Variants in ANKHD1 observed in about 807,000 individuals in gnomAD.
ANKHD1 encodes ankyrin repeat and KH domain-containing protein 1.
A neutral mutation model predicts 230.5 loss-of-function variants in ANKHD1; 31 were observed. The ratio of observed to expected loss-of-function variants is 0.13; its 90% confidence interval spans 0.10 to 0.18. The LOEUF (loss-of-function observed/expected upper bound fraction) is 0.18. Among genes scored for constraint, ANKHD1 ranks in the 10% least tolerant of loss-of-function variants. ANKHD1 has a pLI of 1.00. For missense variants in ANKHD1, 2,256 were observed against 3,071.3 expected, an observed-to-expected ratio of 0.73 and a Z score of 6.27; for synonymous variants, 1,074 against 1,117.6, an observed-to-expected ratio of 0.96 and a Z score of 0.78.
At chr5:140,402,314 G>T (rs1770010480) in intron 1 of ANKHD1, 41 bp downstream of exon 1, 1 of 1,427,486 alleles carries the variant, frequency 7.0e-7, no homozygotes, top group Non-Finnish European at 9.1e-7. Flanking sequence ...ATTGTGAGGC[G>T]TGAATTCTCT....
intron 5 of ANKHD1, among the ~76,000 whole-genome samples, chr5:140,441,421 A>G (rs1773836537): frequency 6.6e-6 from 1 of 152,216 alleles, no homozygotes; most frequent in South Asian, 2.1e-4. Context: ...ATTTGCCACA[A>G]CATGGATGGA....
chr5:140,464,859 A>C, intron 10 of ANKHD1, 83 bp downstream of exon 10: 1 of 1,357,546 alleles, frequency 7.4e-7, no homozygotes, highest in Non-Finnish European at 9.9e-7. Flanking sequence ...CTAAAGATCA[A>C]TGGTTTGCGT....
chr5:140,459,562 T>C (rs1775552095), intron 9 of ANKHD1, among the ~76,000 whole-genome samples: 1 of 152,152 alleles, frequency 6.6e-6, no homozygotes, highest in Non-Finnish European at 1.5e-5. Context: ...GAATAAGTTT[T>C]AATGATATAT....
In ANKHD1 at chr5:140,485,309, C is replaced by A. The variant is rs2127018006; in HGVS notation, c.1998+61C>A. The A allele has an allele frequency of 6.4e-7, 1 of 1,552,202 alleles. No homozygotes were observed. Among genetic ancestry groups the A allele is most frequent in the Non-Finnish European group, 8.7e-7 (1 of 1,144,894 alleles). ...CGGTGGCTCATGTCTATGATCCCAGCACTTTAGAAAGCTGAGGCGGGTGGA... is the reference window on the plus strand; with the variant it reads ...CGGTGGCTCATGTCTATGATCCCAGAACTTTAGAAAGCTGAGGCGGGTGGA... On this transcript the variant is annotated intron_variant, in intron 12 of 33. Coordinates refer to ENST00000360839, the MANE Select transcript of ANKHD1 (RefSeq NM_017747.3). The surrounding 1 kb of genome is among the most constrained non-coding windows in gnomAD (Gnocchi z 4.8).
chr5:140,535,431 G>A lies in ANKHD1; in HGVS notation c.6920G>A (p.Gly2307Asp). 1 of 1,613,480 alleles carries A rather than the reference G, an allele frequency of 6.2e-7. No individual in the cohort carries two copies. The highest frequency in any genetic ancestry group is 1.1e-5 in the South Asian group (1 of 91,016). ...SSSAPLASFS[G>D]IPGTRVFLQG... ...TCTGCTCCTCTGGCAAGTTTTTCCG[G>A]CATACCAGGAACAAGGGTTTTCCTG... Residue 2307 changes from glycine (G) to aspartate (D), a missense_variant, in exon 30 of 34, where the codon GGC becomes GAC. Physicochemically the swap from Gly to Asp is moderately conservative, Grantham distance 94 (BLOSUM62 -1). Around this residue, in one of 13 missense-constraint regions of ANKHD1, gnomAD observed 778 missense variants for 966.5 expected, o/e 0.80. Transcript: ENST00000360839.
chr5:140,538,619 C>G (rs532862786), intron 32 of ANKHD1, among the ~76,000 whole-genome samples: 15 of 152,292 alleles, frequency 9.8e-5, no homozygotes, highest in African/African-American at 3.1e-4. Flanking sequence ...CTTCTTAGCT[C>G]AAGCTTATTC....
At chr5:140,432,923 A>T (rs561535318) in intron 1 of ANKHD1, among the ~76,000 whole-genome samples, 1 of 152,132 alleles carries the variant, frequency 6.6e-6, no homozygotes, top group East Asian at 1.9e-4. Context: ...GGCTGGTCTT[A>T]AACTCCTGGC....
chr5:140,476,907 G>A (rs1435870839), intron 10 of ANKHD1, among the ~76,000 whole-genome samples: 1 of 152,094 alleles, frequency 6.6e-6, no homozygotes, highest in African/African-American at 2.4e-5. Context: ...TAAAAGCCAC[G>A]CTAGAGTCTT....
intron 7 of ANKHD1, among the ~76,000 whole-genome samples, chr5:140,455,526 G>C (rs1358768949): frequency 6.6e-6 from 1 of 151,900 alleles, no homozygotes; most frequent in Non-Finnish European, 1.5e-5. Context: ...ATGATCAAGT[G>C]GGCTTCATCC....
intron 10 of ANKHD1, among the ~76,000 whole-genome samples, chr5:140,465,336 A>G (rs535565937): frequency 7.2e-5 from 11 of 152,262 alleles, no homozygotes; most frequent in Admixed American, 2.6e-4. Context: ...TACAAATTCT[A>G]TTCTTTTTGT....
chr5:140,489,755 A>G (rs1751686052), intron 14 of ANKHD1, among the ~76,000 whole-genome samples: 1 of 152,170 alleles, frequency 6.6e-6, no homozygotes, highest in African/African-American at 2.4e-5. Context: ...TTTCTAAGGA[A>G]TCATTTTACT....
intron 1 of ANKHD1, among the ~76,000 whole-genome samples, chr5:140,417,557 T>C (rs1561686956): frequency 1.3e-5 from 2 of 152,040 alleles, no homozygotes; most frequent in Admixed American, 1.3e-4. Flanking sequence ...CAAGCCATCC[T>C]CCCACCTCGG....
At chr5:140,472,500 C>A in intron 10 of ANKHD1, 1 of 1,262,044 alleles carries the variant, frequency 7.9e-7, no homozygotes, top group Non-Finnish European at 1.0e-6. Flanking sequence ...AGTCTTCTTT[C>A]TCAGTGATAT....
At chr5:140,426,524 A>AT (rs1267959281) in intron 1 of ANKHD1, among the ~76,000 whole-genome samples, 7 of 150,812 alleles carry the variant, frequency 4.6e-5, no homozygotes, top group Admixed American at 1.3e-4. Context: ...TTATTTATTT[A>AT]TTTATTTTTT....
In ANKHD1 at chr5:140,458,974, ATATATG is replaced by A. The variant is rs1332256110; in HGVS notation, c.1480+113_1480+118del. 183 of 19,964 alleles carry A rather than the reference ATATATG, an allele frequency of 9.2e-3. 8 individuals are homozygous for A. The highest frequency in any genetic ancestry group is 6.7e-3 in the Non-Finnish European group (70 of 10,376). 1.2% of individuals were successfully genotyped at this position (19,964 alleles called of 1,614,324 possible). On this transcript the variant is annotated intron_variant, in intron 8 of 33. Coordinates refer to ENST00000360839, the MANE Select transcript of ANKHD1 (RefSeq NM_017747.3). Reference sequence around the variant, plus strand: ...TATATATATATATATATATATATATATATATGCATATATATATATATGCATATATAT... The same window carrying A: ...TATATATATATATATATATATATATACATATATATATATATGCATATATAT...
chr5:140,449,255 C>T lies in ANKHD1; in HGVS notation c.1192C>T (p.Gln398Ter). 1 of 1,613,360 alleles carries T rather than the reference C, an allele frequency of 6.2e-7. No homozygotes were observed. Among genetic ancestry groups the T allele is most frequent in the Non-Finnish European group, 8.5e-7 (1 of 1,179,614 alleles). The change falls in exon 7 of 34, where the codon CAA becomes TAA. Residue 398 changes from glutamine (Q) to a stop codon, truncating the protein, a stop_gained. Transcript: ENST00000360839. LOFTEE classifies it high-confidence loss of function. ...VRFLLEAGAD[Q>*]EHKTDEMHTA... ...CTTTCTACTTGAAGCTGGTGCAGATCAAGAGCACAAAACAGATGAGATGCA... is the reference window on the plus strand; with the variant it reads ...CTTTCTACTTGAAGCTGGTGCAGATTAAGAGCACAAAACAGATGAGATGCA...
intron 1 of ANKHD1, among the ~76,000 whole-genome samples, chr5:140,412,546 T>G (rs1425107698): frequency 6.6e-6 from 1 of 152,230 alleles, no homozygotes; most frequent in Non-Finnish European, 1.5e-5. Flanking sequence ...AGCACTATTC[T>G]AAAGAAATTT....
At chr5:140,524,557 C>T (rs1003067964) in intron 25 of ANKHD1, among the ~76,000 whole-genome samples, 1 of 152,080 alleles carries the variant, frequency 6.6e-6, no homozygotes, top group African/African-American at 2.4e-5. Context: ...TCTAACTCTT[C>T]CTCTCCTGAT....
chr5:140,468,376 GCTGA>G (rs1200630185), intron 10 of ANKHD1, among the ~76,000 whole-genome samples: 1 of 151,916 alleles, frequency 6.6e-6, no homozygotes. Context: ...ACTGTATTCT[GCTGA>G]CTGAGTGAAC....
Sources: allele counts gnomAD v4.1 joint callset (sites outside exome capture counted in the v4.1 genomes callset), GRCh38; gene constraint gnomAD v4.1.1; regional missense constraint gnomAD v4.1.1; non-coding constraint Gnocchi (gnomAD v3.1); transcripts MANE v1.5; gene names NCBI Gene and HGNC (gene_info 2026-07-23, HGNC 2026-07-21).